MLLT10: variants seen among roughly 807,000 people sequenced by gnomAD.
The protein encoded by MLLT10 is protein AF-10.
MLLT10 carries 30 observed loss-of-function variants against 129.1 expected under a neutral mutation model. The observed-to-expected ratio is 0.23, with a 90% CI of 0.17 to 0.32. The LOEUF is 0.32. Among genes scored for constraint, MLLT10 ranks in the 10% least tolerant of loss-of-function variants. The probability of loss-of-function intolerance (pLI) is 1.00; values close to 1 mark genes in which losing one functional copy is unlikely to be tolerated. For missense variants in MLLT10, 1,119 were observed against 1,268.3 expected (o/e 0.88, Z 1.79); for synonymous variants, 490 against 446.4 (o/e 1.10, Z -1.23).
At chr10:21,607,084 T>C (rs1488528456) in intron 5 of MLLT10, among the ~76,000 whole-genome samples, 1 of 152,072 alleles carries the variant, frequency 6.6e-6, no homozygotes, top group Non-Finnish European at 1.5e-5. Context: ...TAGCAAGACC[T>C]TGTCTCTACT....
chr10:21,571,715 A>G (rs537671140), intron 3 of MLLT10, among the ~76,000 whole-genome samples: 2 of 152,260 alleles, frequency 1.3e-5, no homozygotes, highest in South Asian at 4.2e-4. Flanking sequence ...AGCACATTTT[A>G]GCTTGTGTGT....
chr10:21,687,142 G>A (rs2053385180), intron 13 of MLLT10, among the ~76,000 whole-genome samples: 1 of 152,094 alleles, frequency 6.6e-6, no homozygotes, highest in East Asian at 1.9e-4. Flanking sequence ...AAACAAATAG[G>A]GTTTGTTGGA....
At position 21,673,812 on chromosome 10, in the gene MLLT10, C is replaced by T. The variant is rs1040386934; in HGVS notation, c.1514C>T (p.Ala505Val). ...TCTGCTTCACCAACATCATCTGTAGCATCAGCTGCAGGAAGCATAACAAGC... is the reference window on the plus strand; with the variant it reads ...TCTGCTTCACCAACATCATCTGTAGTATCAGCTGCAGGAAGCATAACAAGC... ...VSSASPTSSV[A>V]SAAGSITSSS... The change falls in exon 11 of 23, where the codon GCA becomes GTA. Residue 505 changes from alanine to valine, a missense_variant. By Grantham distance (64) the Ala-to-Val change is moderately conservative. Coordinates refer to ENST00000307729, the MANE Select transcript of MLLT10 (RefSeq NM_001195626.3). 1 of 1,614,182 alleles carries T rather than the reference C, an allele frequency of 6.2e-7. No homozygotes were observed. The highest frequency in any genetic ancestry group is 8.5e-7 in the Non-Finnish European group (1 of 1,180,030).
rs571002755 is a variant in MLLT10, at chr10:21,591,217, C to T, written c.296-4114C>T. Among the ~76,000 whole-genome samples, 8 of 152,168 alleles carry T rather than the reference C, an allele frequency of 5.3e-5. No individual in the cohort carries two copies. The East Asian group carries it at 5.8e-4, about 11-fold the overall frequency. On this transcript the variant is annotated intron_variant, in intron 4 of 22. Transcript: ENST00000307729. ...GACTACACGTGCACGCCACCTTATC[C>T]GGCTAATGTTTTTGTATTTGTTGTA...
chr10:21,612,326 C>CTT (rs369797804), intron 5 of MLLT10, 22 bp from the exon 6 acceptor site: 84 of 1,240,384 alleles, frequency 6.8e-5, no homozygotes, highest in Non-Finnish European at 7.9e-5. Flanking sequence ...TGATTTTTGT[C>CTT]TTTTTTTTTT....
At chr10:21,620,495 A>G (rs1300324472) in intron 8 of MLLT10, among the ~76,000 whole-genome samples, 1 of 152,170 alleles carries the variant, frequency 6.6e-6, no homozygotes, top group African/African-American at 2.4e-5. Flanking sequence ...TTGAAAGCAC[A>G]TTTTTAACAG....
chr10:21,728,884 T>C lies in MLLT10; in HGVS notation c.2063+956T>C, dbSNP rs555045878. Among the ~76,000 whole-genome samples the C allele has an allele frequency of 3.3e-4, 50 of 151,574 alleles. 1 individual carries two copies. In the South Asian group the frequency reaches 6.5e-3, roughly 20 times the overall value. ...GTCTACAATTTTTTTTTTTTTTTTT[T>C]CCAAAATGAACTTTTTCATGTGATG... On this transcript the variant is annotated intron_variant, in intron 16 of 22. Transcript: ENST00000307729.
At chr10:21,618,460 ATGCCAC>A (rs2045486071) in intron 8 of MLLT10, among the ~76,000 whole-genome samples, 2 of 152,024 alleles carry the variant, frequency 1.3e-5, no homozygotes, top group African/African-American at 4.8e-5. Flanking sequence ...AGCCGAGATC[ATGCCAC>A]TGCACTCCAG....
chr10:21,741,913 G>T, intron 22 of MLLT10, 26 bp from the exon 23 acceptor site: 1 of 1,602,054 alleles, frequency 6.2e-7, no homozygotes, highest in Admixed American at 1.7e-5. Context: ...TTTAGCTAAC[G>T]CATCTGCTCT....
rs1387191695 is a variant in MLLT10, at chr10:21,673,696, G to A, written c.1398G>A (p.Lys466=). 2.5e-6 allele frequency: 4 copies of A among 1,613,934 alleles called. No individual in the cohort carries two copies. In the Admixed American group the frequency reaches 5.0e-5, roughly 20 times the overall value. ...TAGAAGAAGAAACTGTAAAGGAAAA[G>A]AAAAGGAAAGGAAATAAACAAAGTA... ...SGIEEETVKE[K]KRKGNKQSKH... is the part of the protein sequence containing the mutation. The change falls in exon 11 of 23, where the codon AAG becomes AAA. Residue 466 remains lysine (K), a synonymous_variant. Coordinates refer to ENST00000307729, the MANE Select transcript of MLLT10 (RefSeq NM_001195626.3).
At chr10:21,558,630 C>G (rs1588929012) in intron 3 of MLLT10, among the ~76,000 whole-genome samples, 1 of 151,958 alleles carries the variant, frequency 6.6e-6, no homozygotes, top group South Asian at 2.1e-4. Context: ...ACGCAGTCCT[C>G]CCTCCTTGGC....
At chr10:21,596,585 A>G (rs756446964) in intron 5 of MLLT10, among the ~76,000 whole-genome samples, 1 of 151,824 alleles carries the variant, frequency 6.6e-6, no homozygotes, top group Non-Finnish European at 1.5e-5. Flanking sequence ...ACCCTATATT[A>G]TGTTAGGTAC....
intron 3 of MLLT10, among the ~76,000 whole-genome samples, chr10:21,550,982 G>A (rs140566071): frequency 2.0e-5 from 3 of 147,494 alleles, no homozygotes; most frequent in South Asian, 2.1e-4. Context: ...GCAGTGGTAC[G>A]ATCTTAGCTC....
chr10:21,547,742 T>C (rs2036340309), intron 3 of MLLT10, among the ~76,000 whole-genome samples: 1 of 152,146 alleles, frequency 6.6e-6, no homozygotes, highest in East Asian at 1.9e-4. Context: ...TTTCACCATG[T>C]TGGCCAGGCT....
chr10:21,703,024 G>C (rs1334449577), intron 13 of MLLT10, among the ~76,000 whole-genome samples: 2 of 151,900 alleles, frequency 1.3e-5, no homozygotes, highest in African/African-American at 4.8e-5. Context: ...TGGTTTTGTG[G>C]TTTTCTGTAG....
chr10:21,660,301 T>C (rs963881706), intron 9 of MLLT10, among the ~76,000 whole-genome samples: 5 of 150,354 alleles, frequency 3.3e-5, no homozygotes, highest in African/African-American at 4.9e-5. Flanking sequence ...TTGGGCTTAA[T>C]TGGCTCTTCT....
Position 21,742,064 on chromosome 10 carries a change from C to A in MLLT10, c.*81C>A. ...TGCCTTTGCAGTCCTTTTACTACAG[C>A]TATGAAGAAACGCAACAAGAAACTC... On this transcript the variant is annotated 3_prime_UTR_variant, in exon 23 of 23. Coordinates refer to ENST00000307729, the MANE Select transcript of MLLT10 (RefSeq NM_001195626.3). 1 of 1,282,264 alleles carries A rather than the reference C, an allele frequency of 7.8e-7. No homozygotes were observed. Among genetic ancestry groups the A allele is most frequent in the South Asian group, 1.3e-5 (1 of 78,744 alleles). The allele number at this position is 1,282,264 out of a possible 1,614,324, so 79.4% of individuals were successfully genotyped here.
chr10:21,554,452 T>TA (rs2037585504), intron 3 of MLLT10, among the ~76,000 whole-genome samples: 1 of 151,450 alleles, frequency 6.6e-6, no homozygotes. Flanking sequence ...CTCCTTCACT[T>TA]AAATTTTTTT....
At chr10:21,688,198 C>G (rs1358659108) in intron 13 of MLLT10, among the ~76,000 whole-genome samples, 2 of 152,118 alleles carry the variant, frequency 1.3e-5, no homozygotes, top group East Asian at 3.9e-4. Context: ...TTCATTGAAA[C>G]TGCAAGAGGG....
Sources: allele counts gnomAD v4.1 joint callset (sites outside exome capture counted in the v4.1 genomes callset), GRCh38; gene constraint gnomAD v4.1.1; transcripts MANE v1.5; gene names NCBI Gene and HGNC (gene_info 2026-07-23, HGNC 2026-07-21).